Variants in NCOR2 observed in about 807,000 individuals in gnomAD.
NCOR2 encodes the protein CTG repeat protein 26.
NCOR2 carries 81 observed loss-of-function variants against 262.9 expected under a neutral mutation model. The observed-to-expected ratio is 0.31, with a 90% CI of 0.26 to 0.37. The LOEUF is 0.37. Ranked by LOEUF, NCOR2 falls within the 10% of genes least tolerant of loss-of-function variation. The probability of loss-of-function intolerance (pLI) is 1.00; values close to 1 mark genes in which losing one functional copy is unlikely to be tolerated. For missense variants in NCOR2, 3,385 were observed against 3,621.4 expected, an observed-to-expected ratio of 0.93 and a Z score of 1.68; for synonymous variants, 1,659 against 1,559.3, an observed-to-expected ratio of 1.06 and a Z score of -1.51.
chr12:124,400,708 C>T (rs926234066), intron 14 of NCOR2, 35 bp from the exon 17 acceptor site: 10 of 1,602,898 alleles, frequency 6.2e-6, no homozygotes, highest in African/African-American at 1.3e-5. Context: ...GATGGCTTCA[C>T]CCGAGCCGGG....
At chr12:124,441,640 G>A (rs2044816530) in intron 7 of NCOR2, among the ~76,000 whole-genome samples, 1 of 152,230 alleles carries the variant, frequency 6.6e-6, no homozygotes, top group Non-Finnish European at 1.5e-5. Context: ...CTCCCCGCAA[G>A]TATGTATGAA....
chr12:124,494,235 G>A (rs950720596), intron 1 of NCOR2, among the ~76,000 whole-genome samples: 10 of 148,534 alleles, frequency 6.7e-5, no homozygotes, highest in Admixed American at 3.4e-4. Context: ...ACACACACAC[G>A]CACACACGCA....
Position 124,457,782 on chromosome 12 carries a change from T to C in NCOR2, c.706-620A>G, listed in dbSNP as rs2045960033. Among the ~76,000 whole-genome samples, 1 of 152,032 alleles carries C rather than the reference T, an allele frequency of 6.6e-6. No homozygotes were observed. Among genetic ancestry groups the C allele is most frequent in the Admixed American group, 6.5e-5 (1 of 15,272 alleles). On this transcript the variant is annotated intron_variant, in intron 5 of 46. Transcript: ENST00000405201. The surrounding 1 kb of genome is among the most constrained non-coding windows in gnomAD (Gnocchi z 4.0). The stretch of plus-strand genomic sequence containing the variant: ...CAGGGCTCGGTGGCCGCTCCATCAA[T>C]AGGCTGGACCTCCGGGCCCCCACCC...
intron 1 of NCOR2, among the ~76,000 whole-genome samples, chr12:124,520,057 C>A (rs577063691): frequency 6.6e-6 from 1 of 152,312 alleles, no homozygotes; most frequent in African/African-American, 2.4e-5. Context: ...TGGCAGGGGG[C>A]CCAGACTGGC....
rs997857187 is a variant in NCOR2, at chr12:124,548,273, G to A, written c.-164-12662C>T. ...AACGCGAAGGCCCAGAGGCAGATGC[G>A]GTCGGTGAGGGCTGAGGAGCTCCCG... is the stretch of plus-strand genomic sequence containing the variant. On this transcript the variant is annotated intron_variant, in intron 1 of 32. Transcript: ENST00000458234. The surrounding 1 kb of genome is among the most constrained non-coding windows in gnomAD (Gnocchi z 5.1). Among the ~76,000 whole-genome samples, 8 of 152,182 alleles carry A rather than the reference G, an allele frequency of 5.3e-5. No homozygotes were observed. The highest frequency in any genetic ancestry group is 1.3e-4 in the Admixed American group (2 of 15,284).
At chr12:124,400,378 C>A in intron 15 of NCOR2, 123 bp downstream of exon 17, 1 of 1,358,542 alleles carries the variant, frequency 7.4e-7, no homozygotes, top group South Asian at 1.3e-5. Flanking sequence ...TTGACTCCAA[C>A]CATGACTTAC....
intron 13 of NCOR2, among the ~76,000 whole-genome samples, 199 bp from the exon 16 acceptor site, chr12:124,402,760 C>A (rs560749021): frequency 6.6e-6 from 1 of 152,102 alleles, no homozygotes. Context: ...GGGGTCTTGC[C>A]GCCCTAGGGG....
chr12:124,360,574 G>A (rs750725329), intron 22 of NCOR2, among the ~76,000 whole-genome samples: 16 of 152,130 alleles, frequency 1.1e-4, no homozygotes, highest in Non-Finnish European at 2.1e-4. Flanking sequence ...AGCAGCCCCT[G>A]CCACACCTGA....
In NCOR2 at chr12:124,558,059, G is replaced by A. The variant is rs376013868; in HGVS notation, c.-165+9249C>T. Among the ~76,000 whole-genome samples, 6 of 152,148 alleles carry A rather than the reference G, an allele frequency of 3.9e-5. No individual in the cohort carries two copies. The East Asian group carries it at 7.7e-4, about 20-fold the overall frequency. On this transcript the variant is annotated intron_variant, in intron 1 of 32. Coordinates refer to the NCOR2 transcript ENST00000458234. ...AGCTTCAGGAGCAGGGCTGGCACCA[G>A]GCAGGTTCCCATGGTCACCGAGACA...
chr12:124,354,558 T>C, exon 26 of NCOR2: 1 of 1,596,338 alleles, frequency 6.3e-7, no homozygotes, highest in Non-Finnish European at 8.5e-7. Flanking sequence ...GGACAGCTGC[T>C]CCTGCTTCAC....
intron 1 of NCOR2, among the ~76,000 whole-genome samples, chr12:124,501,020 C>T (rs1220556966): frequency 1.3e-5 from 2 of 151,696 alleles, no homozygotes. Context: ...AACCAACCTG[C>T]CAGGCAGAGA....
intron 17 of NCOR2, among the ~76,000 whole-genome samples, chr12:124,380,483 C>T (rs1183333168): frequency 6.6e-6 from 1 of 152,202 alleles, no homozygotes; most frequent in African/African-American, 2.4e-5. Context: ...CAACCCCGCA[C>T]ACGTCCTGGG....
intron 6 of NCOR2, among the ~76,000 whole-genome samples, chr12:124,456,540 T>C (rs1046583840): frequency 6.6e-6 from 1 of 152,168 alleles, no homozygotes; most frequent in Non-Finnish European, 1.5e-5. Context: ...TCATAGCTAA[T>C]GCCCAGCACT....
At chr12:124,334,209 G>T in intron 41 of NCOR2, 1 of 487,272 alleles carries the variant, frequency 2.1e-6, no homozygotes. Flanking sequence ...TGAGTGCCTG[G>T]AACCCACTGA....
rs2044750968 is a variant in NCOR2 at position 124,440,626 on chromosome 12, C to T, written c.816-2630G>A. On this transcript the variant is annotated intron_variant, in intron 7 of 46. Coordinates refer to ENST00000405201, the Ensembl canonical transcript of NCOR2. The surrounding 1 kb of genome is among the most constrained non-coding windows in gnomAD (Gnocchi z 5.7). ...TATGTGCCAGGCACTGTTCCAGGTGCTGGGGACACAGCAGGGAGCAAGACA... is the reference window on the plus strand; with the variant it reads ...TATGTGCCAGGCACTGTTCCAGGTGTTGGGGACACAGCAGGGAGCAAGACA... Among the ~76,000 whole-genome samples the T allele has an allele frequency of 1.3e-5, 2 of 152,212 alleles. No homozygotes were observed. The highest frequency in any genetic ancestry group is 4.8e-5 in the African/African-American group (2 of 41,436).
intron 5 of NCOR2, among the ~76,000 whole-genome samples, chr12:124,463,232 T>C (rs1264556087): frequency 6.6e-6 from 1 of 152,240 alleles, no homozygotes; most frequent in Admixed American, 6.5e-5. Context: ...TCCTACCTCG[T>C]GCCCACCACC....
exon 30 of NCOR2, chr12:124,347,883 C>T (rs1375724752): frequency 1.9e-6 from 3 of 1,566,506 alleles, no homozygotes; most frequent in Non-Finnish European, 1.7e-6. Flanking sequence ...GGCTGTGTCG[C>T]TCCGGCGGGA....
rs150954431 is a variant in NCOR2 at position 124,517,777 on chromosome 12, C to T, written c.-118+17788G>A. On this transcript the variant is annotated intron_variant, in intron 1 of 46. Transcript: ENST00000404621. This position sits in a 1 kb window ranked among gnomAD's most constrained non-coding sequence, Gnocchi z 7.6. ...GCGGGCCGGCCAAGAAGCCTCACCC[C>T]GGCCTGCCCGGCCAGCGCCTCCGAG... is the stretch of plus-strand genomic sequence containing the variant. Among the ~76,000 whole-genome samples, 2,380 of 152,336 alleles carry T rather than the reference C, an allele frequency of 0.016. 40 individuals are homozygous for T. The highest frequency in any genetic ancestry group is 0.048 in the Middle Eastern group (14 of 294).
At chr12:124,516,562 C>T (rs924875607) in intron 1 of NCOR2, among the ~76,000 whole-genome samples, 1 of 152,152 alleles carries the variant, frequency 6.6e-6, no homozygotes, top group African/African-American at 2.4e-5. Context: ...GGAGGCCCAC[C>T]CAGGCCAGCA....
Sources: gnomAD v4.1 joint callset for allele counts (sites outside exome capture counted in the v4.1 genomes callset) on GRCh38, gnomAD v4.1.1 for gene constraint, Gnocchi (gnomAD v3.1) non-coding constraint, MANE v1.5 for transcripts, NCBI Gene and HGNC (gene_info 2026-07-23, HGNC 2026-07-21) for gene names.